TUB: variants seen among roughly 807,000 people sequenced by gnomAD.
TUB encodes the protein tubby protein homolog.
In TUB, 33 loss-of-function variants were observed where a neutral mutation model predicts 59.7. That is an observed-to-expected ratio of 0.55 (90% confidence interval 0.42 to 0.74). TUB has a LOEUF of 0.74. Ranked by LOEUF, TUB falls within the 30% of genes least tolerant of loss-of-function variation. The pLI is 0.00. For synonymous variants in TUB, 293 were observed against 256.4 expected (o/e 1.14, Z -1.36); for missense variants, 659 against 672.0 (o/e 0.98, Z 0.21).
intron 1 of TUB, among the ~76,000 whole-genome samples, chr11:8,022,440 G>A (rs1010575794): frequency 1.4e-4 from 21 of 152,070 alleles, no homozygotes; most frequent in Admixed American, 1.2e-3. Context: ...TCACATCTTT[G>A]AACCTGGCAA....
chr11:8,063,379 G>A (rs1406838201), intron 2 of TUB, among the ~76,000 whole-genome samples: 1 of 152,228 alleles, frequency 6.6e-6, no homozygotes, highest in African/African-American at 2.4e-5. Flanking sequence ...TTGACATGAA[G>A]TTTACTGACT....
intron 8 of TUB, 111 bp from the exon 9 acceptor site, chr11:8,098,647 C>T (rs1257986104): frequency 1.3e-6 from 1 of 780,050 alleles, no homozygotes; most frequent in Non-Finnish European, 2.2e-6. Flanking sequence ...TGGGCCTGCT[C>T]CTGTTCCAGC....
chr11:8,081,820 G>A (rs1564913935), intron 1 of TUB, among the ~76,000 whole-genome samples: 1 of 152,208 alleles, frequency 6.6e-6, no homozygotes, highest in Admixed American at 6.5e-5. Context: ...GCCGCCTGGG[G>A]AAGGAGTCCA....
intron 1 of TUB, among the ~76,000 whole-genome samples, chr11:8,033,597 C>T (rs1472736656): frequency 1.3e-5 from 2 of 152,224 alleles, no homozygotes; most frequent in Non-Finnish European, 2.9e-5. Flanking sequence ...CCTGCTTATA[C>T]TCCTCCCCAC....
intron 2 of TUB, among the ~76,000 whole-genome samples, chr11:8,041,880 C>T (rs148579977): frequency 2.4e-3 from 364 of 152,290 alleles, no homozygotes; most frequent in African/African-American, 7.9e-3. Flanking sequence ...AAATTCATGG[C>T]CCGCAGCCTC....
chr11:8,089,713 G>A, intron 2 of TUB, 52 bp downstream of exon 2: 1 of 1,605,316 alleles, frequency 6.2e-7, no homozygotes, highest in Non-Finnish European at 8.5e-7. Context: ...TGGGATCTCT[G>A]AGGGCAGAGG....
rs373539102 is a variant in TUB, at chr11:8,094,258, T to C, written c.397+69T>C. 2.9e-5 allele frequency: 44 copies of C among 1,507,582 alleles called. No individual in the cohort carries two copies. The East Asian group carries it at 4.9e-4, about 17-fold the overall frequency. The allele number at this position is 1,507,582 out of a possible 1,614,324, so 93.4% of individuals were successfully genotyped here. The stretch of plus-strand genomic sequence containing the variant: ...CCACTGTAGGGCTGGGGAAGGTTTG[T>C]CCTCCTGACTTGGAGGGGAGGGATA... On this transcript the variant is annotated intron_variant, in intron 4 of 11. Coordinates refer to ENST00000299506, the MANE Select transcript of TUB (RefSeq NM_177972.3).
chr11:8,069,432 TA>T (rs1943317083), intron 2 of TUB: 2 of 151,460 alleles, frequency 1.3e-5, no homozygotes, highest in Non-Finnish European at 2.9e-5. Flanking sequence ...TAAATTCTTG[TA>T]GAGAAATTAA....
At chr11:8,070,664 G>A (rs1057232117) in intron 2 of TUB, among the ~76,000 whole-genome samples, 4 of 152,102 alleles carry the variant, frequency 2.6e-5, no homozygotes, top group East Asian at 1.9e-4. Flanking sequence ...GGCCCTCCTC[G>A]GTCCCCACTG....
chr11:8,098,671 C>T, intron 8 of TUB, 87 bp from the exon 9 acceptor site: 2 of 960,544 alleles, frequency 2.1e-6, no homozygotes, highest in Non-Finnish European at 3.2e-6. Context: ...GAATGTTTTG[C>T]AGGCTCCTCA....
intron 1 of TUB, among the ~76,000 whole-genome samples, chr11:8,020,597 C>T (rs1455751549): frequency 6.6e-6 from 1 of 152,182 alleles, no homozygotes; most frequent in Non-Finnish European, 1.5e-5. Flanking sequence ...CGCAACTGAT[C>T]CACGTCTGTT....
chr11:8,089,920 C>G, intron 2 of TUB, 149 bp from the exon 3 acceptor site: 3 of 1,235,230 alleles, frequency 2.4e-6, no homozygotes, highest in Non-Finnish European at 2.2e-6. Context: ...CCACCTGGGC[C>G]CTGTTTTGCC....
At chr11:8,083,455 G>T (rs1943608852) in intron 1 of TUB, among the ~76,000 whole-genome samples, 1 of 152,184 alleles carries the variant, frequency 6.6e-6, no homozygotes, top group South Asian at 2.1e-4. Context: ...GCCTCAAACG[G>T]AATGGCTTAA....
chr11:8,101,891 A>G lies in TUB; in HGVS notation c.*272A>G. On this transcript the variant is annotated 3_prime_UTR_variant, in exon 12 of 12. Transcript: ENST00000299506. ...CAACACACACTCCCACCCTTGGGGTAGTAGTGTGTTGTAGTCGTACTTACC... is the reference window on the plus strand; with the variant it reads ...CAACACACACTCCCACCCTTGGGGTGGTAGTGTGTTGTAGTCGTACTTACC... 1 of 480,328 alleles carries G rather than the reference A, an allele frequency of 2.1e-6. No homozygotes were observed. 29.8% of individuals were successfully genotyped at this position (480,328 alleles called of 1,614,324 possible).
At chr11:8,099,447 C>A (rs1483050825) in intron 9 of TUB, among the ~76,000 whole-genome samples, 1 of 152,134 alleles carries the variant, frequency 6.6e-6, no homozygotes, top group Non-Finnish European at 1.5e-5. Context: ...TTCTTGGAGG[C>A]CATCAGTAAG....
chr11:8,043,761 C>T (rs1942788602), intron 2 of TUB, among the ~76,000 whole-genome samples: 1 of 152,106 alleles, frequency 6.6e-6, no homozygotes, highest in African/African-American at 2.4e-5. Context: ...ATCTTGTATC[C>T]TGCAAACTTG....
intron 3 of TUB, among the ~76,000 whole-genome samples, chr11:8,091,903 G>C (rs1943788073): frequency 6.6e-6 from 1 of 152,226 alleles, no homozygotes; most frequent in South Asian, 2.1e-4. Flanking sequence ...GCCTGTGGCT[G>C]TGTGGCATCA....
At chr11:8,026,788 C>T (rs888733839) in intron 1 of TUB, among the ~76,000 whole-genome samples, 3 of 152,146 alleles carry the variant, frequency 2.0e-5, no homozygotes, top group Admixed American at 2.0e-4. Flanking sequence ...ACCCCCATCC[C>T]CCCAAAAAAC....
At chr11:8,029,458 G>A (rs917486060) in intron 1 of TUB, among the ~76,000 whole-genome samples, 5 of 147,432 alleles carry the variant, frequency 3.4e-5, no homozygotes, top group African/African-American at 1.0e-4. Flanking sequence ...GTGCGACCTC[G>A]GCTCACTGCA....
Sources: gnomAD v4.1 joint callset for allele counts (sites outside exome capture counted in the v4.1 genomes callset) on GRCh38, gnomAD v4.1.1 for gene constraint, MANE v1.5 for transcripts, NCBI Gene and HGNC (gene_info 2026-07-23, HGNC 2026-07-21) for gene names.